DNAJC3: variants seen among roughly 807,000 people sequenced by gnomAD.
DNAJC3 encodes the protein dnaJ homolog subfamily C member 3.
In DNAJC3, 38 loss-of-function variants were observed where a neutral mutation model predicts 68.6. The ratio of observed to expected loss-of-function variants is 0.55; its 90% confidence interval spans 0.43 to 0.73. The LOEUF is 0.73. Among genes scored for constraint, DNAJC3 ranks in the 30% least tolerant of loss-of-function variants. The pLI is 0.00. For synonymous variants in DNAJC3, 203 were observed against 204.0 expected, an observed-to-expected ratio of 1.00 and a Z score of 0.04; for missense variants, 526 against 591.9, an observed-to-expected ratio of 0.89 and a Z score of 1.16.
chr13:95,790,796 T>C, intron 11 of DNAJC3, 77 bp from the exon 12 acceptor site: 17 of 712,764 alleles, frequency 2.4e-5, no homozygotes, highest in South Asian at 4.5e-5. Context: ...CCCACCCTCC[T>C]CTGCCCAAAG....
chr13:95,753,417 A>G (rs1215750124), intron 4 of DNAJC3, among the ~76,000 whole-genome samples: 1 of 152,216 alleles, frequency 6.6e-6, no homozygotes, highest in East Asian at 1.9e-4. Flanking sequence ...GGCAAATTCT[A>G]GAAGTCACTG....
chr13:95,731,830 G>A (rs1881724153), intron 4 of DNAJC3, among the ~76,000 whole-genome samples: 1 of 151,868 alleles, frequency 6.6e-6, no homozygotes, highest in African/African-American at 2.4e-5. Context: ...AACCTACTGG[G>A]CTCAAGTGAT....
chr13:95,779,725 C>T (rs984848858), intron 9 of DNAJC3, among the ~76,000 whole-genome samples: 6 of 152,134 alleles, frequency 3.9e-5, no homozygotes, highest in African/African-American at 1.4e-4. Flanking sequence ...CTTGTGATTA[C>T]TCTTAATGGA....
chr13:95,791,039 T>C lies in DNAJC3; in HGVS notation c.*9T>C, dbSNP rs377452666. On this transcript the variant is annotated 3_prime_UTR_variant, in exon 12 of 12. Coordinates refer to ENST00000602402, the MANE Select transcript of DNAJC3 (RefSeq NM_006260.5). ...AATTCCACTTCAATTAAACCAACTG[T>C]TTTTCTGCTCTTCTTAATTTTTTTA... 3 of 1,612,718 alleles carry C rather than the reference T, an allele frequency of 1.9e-6. No individual in the cohort carries two copies. The African/African-American group carries it at 4.0e-5, about 22-fold the overall frequency.
intron 4 of DNAJC3, among the ~76,000 whole-genome samples, chr13:95,752,811 T>G (rs1351238581): frequency 6.6e-6 from 1 of 152,166 alleles, no homozygotes; most frequent in Non-Finnish European, 1.5e-5. Context: ...TGCTACAGTG[T>G]TATCTGCCTC....
intron 11 of DNAJC3, among the ~76,000 whole-genome samples, chr13:95,787,985 CA>C (rs57861032): frequency 3.9e-5 from 6 of 152,148 alleles, no homozygotes; most frequent in Non-Finnish European, 8.8e-5. Context: ...CTGAGCTAAA[CA>C]AACAAAAGAG....
chr13:95,683,480 C>T (rs1225285911), intron 1 of DNAJC3, among the ~76,000 whole-genome samples: 1 of 152,212 alleles, frequency 6.6e-6, no homozygotes, highest in African/African-American at 2.4e-5. Flanking sequence ...GTATCTCCCC[C>T]CTCTCTGTCT....
chr13:95,741,447 T>G (rs1279015434), intron 4 of DNAJC3, among the ~76,000 whole-genome samples: 1 of 152,104 alleles, frequency 6.6e-6, no homozygotes, highest in Non-Finnish European at 1.5e-5. Flanking sequence ...TGGGCCCTAG[T>G]GGGGGCAATA....
intron 1 of DNAJC3, among the ~76,000 whole-genome samples, chr13:95,687,051 C>T (rs1232277830): frequency 6.6e-6 from 1 of 152,136 alleles, no homozygotes; most frequent in Non-Finnish European, 1.5e-5. Flanking sequence ...TGATTTGTTT[C>T]ATAAGTGTTT....
At chr13:95,776,529 T>C (rs1798516698) in intron 9 of DNAJC3, among the ~76,000 whole-genome samples, 1 of 152,234 alleles carries the variant, frequency 6.6e-6, no homozygotes, top group Non-Finnish European at 1.5e-5. Flanking sequence ...CACATTTGCA[T>C]TGATCGATAT....
At position 95,722,903 on chromosome 13, in the gene DNAJC3, T is replaced by C. The variant is rs1881381254; in HGVS notation, c.194-339T>C. On this transcript the variant is annotated intron_variant, in intron 2 of 11. Transcript: ENST00000602402. ...AGACCAGGGGTTTGCGAACTTTTTTTCTAAAGGGCTAGACAAGTAGTTTCG... is the reference window on the plus strand; with the variant it reads ...AGACCAGGGGTTTGCGAACTTTTTTCCTAAAGGGCTAGACAAGTAGTTTCG... Among the ~76,000 whole-genome samples the C allele has an allele frequency of 2.7e-5, 4 of 147,454 alleles. No individual in the cohort carries two copies. In the Admixed American group the frequency reaches 2.8e-4, roughly 10 times the overall value.
At chr13:95,753,922 CTAGACTT>C (rs1186103375) in intron 4 of DNAJC3, among the ~76,000 whole-genome samples, 2 of 152,120 alleles carry the variant, frequency 1.3e-5, no homozygotes, top group Non-Finnish European at 2.9e-5. Context: ...ATTCATTCAT[CTAGACTT>C]TATTTAAAAG....
intron 4 of DNAJC3, among the ~76,000 whole-genome samples, chr13:95,740,157 A>G (rs1435762836): frequency 6.6e-6 from 1 of 152,238 alleles, no homozygotes; most frequent in Admixed American, 6.5e-5. Flanking sequence ...TTGAGGAGGC[A>G]GTCTACCCGT....
chr13:95,716,648 C>G (rs1453090181), intron 2 of DNAJC3, among the ~76,000 whole-genome samples: 1 of 152,152 alleles, frequency 6.6e-6, no homozygotes, highest in African/African-American at 2.4e-5. Context: ...GGTGGTCTTC[C>G]TCTGGAGTCG....
intron 4 of DNAJC3, among the ~76,000 whole-genome samples, chr13:95,730,402 A>AT (rs1249053382): frequency 2.0e-5 from 3 of 152,200 alleles, no homozygotes; most frequent in South Asian, 2.1e-4. Flanking sequence ...GTCTTAAAGC[A>AT]TTTTTCCCAT....
chr13:95,764,679 T>C lies in DNAJC3; in HGVS notation c.1075+726T>C, dbSNP rs1447989014. Among the ~76,000 whole-genome samples, 211 of 120,582 alleles carry C rather than the reference T, an allele frequency of 1.7e-3. 3 individuals are homozygous for C. The highest frequency in any genetic ancestry group is 6.6e-3 in the African/African-American group (177 of 26,742). The allele number at this position is 120,582 out of a possible 152,430, so 79.1% of individuals were successfully genotyped here. A position where few individuals can be genotyped will look rare whatever the true frequency, so the allele number is the denominator to read the frequency against. On this transcript the variant is annotated intron_variant, in intron 9 of 11. Coordinates refer to ENST00000602402, the MANE Select transcript of DNAJC3 (RefSeq NM_006260.5). ...ATATATATATATATATATATATATA[T>C]ATATACACACACACACATATATATA... is the stretch of plus-strand genomic sequence containing the variant.
At chr13:95,772,545 C>T (rs1883185269) in intron 9 of DNAJC3, among the ~76,000 whole-genome samples, 1 of 152,076 alleles carries the variant, frequency 6.6e-6, no homozygotes, top group African/African-American at 2.4e-5. Context: ...TGTTCTCATT[C>T]TTTTTAGTTT....
chr13:95,705,144 A>T (rs1266808413), intron 1 of DNAJC3, among the ~76,000 whole-genome samples: 4 of 151,984 alleles, frequency 2.6e-5, no homozygotes, highest in Non-Finnish European at 5.9e-5. Flanking sequence ...GAGCCACCGC[A>T]CCTGGCCTAA....
chr13:95,773,862 G>A (rs1390024485), intron 9 of DNAJC3, among the ~76,000 whole-genome samples: 2 of 150,008 alleles, frequency 1.3e-5, no homozygotes, highest in Non-Finnish European at 3.0e-5. Flanking sequence ...TCAGCCTCCT[G>A]AGTAGCTGGG....
Sources: gnomAD v4.1 joint callset for allele counts (sites outside exome capture counted in the v4.1 genomes callset) on GRCh38, gnomAD v4.1.1 for gene constraint, MANE v1.5 for transcripts, NCBI Gene and HGNC (gene_info 2026-07-23, HGNC 2026-07-21) for gene names.